CEP135: variants seen among roughly 807,000 people sequenced by gnomAD.
The protein encoded by CEP135 is centrosomal protein 135, also known as centrosomal protein of 135 kDa.
Under a neutral mutation model 157.3 loss-of-function variants are expected in CEP135, and 142 were observed. The ratio of observed to expected loss-of-function variants is 0.90; its 90% CI spans 0.79 to 1.04. The LOEUF is 1.04. CEP135 is among the 50% of genes least tolerant of loss of function. CEP135 has a pLI of 0.00. For missense variants in CEP135, 1,317 were observed against 1,309.2 expected (o/e 1.01, Z -0.09); for synonymous variants, 396 against 439.8 (o/e 0.90, Z 1.25).
At chr4:55,981,980 C>T (rs1311289135) in intron 13 of CEP135, among the ~76,000 whole-genome samples, 1 of 152,074 alleles carries the variant, frequency 6.6e-6, no homozygotes, top group Non-Finnish European at 1.5e-5. Flanking sequence ...CCTGATAAAC[C>T]CATAACAAAG....
At chr4:56,001,166 A>C (rs1730158052) in intron 17 of CEP135, among the ~76,000 whole-genome samples, 1 of 152,138 alleles carries the variant, frequency 6.6e-6, no homozygotes, top group Non-Finnish European at 1.5e-5. Context: ...ATCCCTTGTC[A>C]GATGGATAGT....
intron 25 of CEP135, among the ~76,000 whole-genome samples, chr4:56,025,568 T>C (rs774903897): frequency 3.3e-5 from 5 of 152,150 alleles, no homozygotes; most frequent in South Asian, 2.1e-4. Context: ...TTGTGGACTT[T>C]ATTCTGTAAG....
rs1420990855 is a variant in CEP135, at chr4:55,957,331, A to G, written c.581A>G (p.Tyr194Cys). 20 of 1,614,020 alleles carry G rather than the reference A, an allele frequency of 1.2e-5. No individual in the cohort carries two copies. In the East Asian group the frequency reaches 4.5e-4, roughly 36 times the overall value. The stretch of plus-strand genomic sequence containing the variant: ...CCAGTTCCTCAACCAGATGACCCTT[A>G]CATTGCAGACCTCCTTCAAGTGGCT... Reference protein sequence around the residue: ...SYPVPQPDDPYIADLLQVADN... With the variant: ...SYPVPQPDDPCIADLLQVADN... The change falls in exon 5 of 26, where the codon TAC (tyrosine) becomes TGC (cysteine). Residue 194 changes from tyrosine to cysteine, a missense_variant. Tyr to Cys is a radical substitution (Grantham distance 194). Transcript: ENST00000257287.
chr4:55,976,528 T>A (rs1358201941), intron 11 of CEP135, among the ~76,000 whole-genome samples: 1 of 152,202 alleles, frequency 6.6e-6, no homozygotes, highest in African/African-American at 2.4e-5. Flanking sequence ...GAAAGACAAA[T>A]GTGTGAGACA....
chr4:55,973,106 A>G (rs560238720), intron 10 of CEP135, among the ~76,000 whole-genome samples: 1 of 152,296 alleles, frequency 6.6e-6, no homozygotes, highest in South Asian at 2.1e-4. Flanking sequence ...AACTGTCTCA[A>G]ACTCTCTTGT....
intron 2 of CEP135, chr4:55,952,528 C>T (rs576520619): frequency 1.7e-4 from 42 of 244,662 alleles, no homozygotes; most frequent in South Asian, 8.3e-4. Flanking sequence ...ACACTTTTCC[C>T]TTAAGTTCTT....
At chr4:56,018,684 C>T (rs1331977603) in intron 22 of CEP135, among the ~76,000 whole-genome samples, 1 of 151,818 alleles carries the variant, frequency 6.6e-6, no homozygotes, top group Non-Finnish European at 1.5e-5. Context: ...CACTTGAGCC[C>T]AGGATGTCGA....
intron 23 of CEP135, among the ~76,000 whole-genome samples, chr4:56,020,228 A>C (rs188846133): frequency 6.6e-6 from 1 of 152,310 alleles, no homozygotes; most frequent in Admixed American, 6.5e-5. Context: ...ACATACATGT[A>C]TTGATTACTT....
chr4:55,952,248 A>C lies in CEP135; in HGVS notation c.113+5A>C. 1 of 1,538,910 alleles carries C rather than the reference A, an allele frequency of 6.5e-7. No individual in the cohort carries two copies. Among genetic ancestry groups the C allele is most frequent in the Non-Finnish European group, 9.0e-7 (1 of 1,111,636 alleles). ...TTTGGTAGAAAAACTTTTCAGGTAA[A>C]GACAAAAATACAGTTTTCAACCTTT... On this transcript the variant is annotated splice_donor_5th_base_variant and intron_variant, in intron 2 of 25. Transcript: ENST00000257287.
intron 10 of CEP135, among the ~76,000 whole-genome samples, chr4:55,973,218 G>A (rs1729085441): frequency 6.6e-6 from 1 of 152,160 alleles, no homozygotes; most frequent in Non-Finnish European, 1.5e-5. Context: ...GTTTGAGTGT[G>A]CACCAGGCAC....
At chr4:55,971,791 C>G (rs1729034885) in intron 10 of CEP135, among the ~76,000 whole-genome samples, 1 of 152,152 alleles carries the variant, frequency 6.6e-6, no homozygotes, top group African/African-American at 2.4e-5. Flanking sequence ...TAAACACACA[C>G]ACAAATTGAA....
At chr4:55,976,673 C>G (rs1011823489) in intron 11 of CEP135, among the ~76,000 whole-genome samples, 1 of 152,112 alleles carries the variant, frequency 6.6e-6, no homozygotes, top group African/African-American at 2.4e-5. Flanking sequence ...ATGTTCAGAG[C>G]ATTTTAGAGG....
rs200668189 is a variant in CEP135, at chr4:55,957,386, T to C, written c.614+22T>C. On this transcript the variant is annotated intron_variant, in intron 5 of 25. Coordinates refer to ENST00000257287, the MANE Select transcript of CEP135 (RefSeq NM_025009.5). ...ACAGGTGCATTAAATAATTCTTTCT[T>C]GGCTTGAGTTAATTGAGCACTCAAT... The C allele has an allele frequency of 8.9e-5, 143 of 1,602,700 alleles. No homozygotes were observed. In the African/African-American group the frequency reaches 1.6e-3, roughly 18 times the overall value.
intron 14 of CEP135, among the ~76,000 whole-genome samples, chr4:55,988,833 C>T (rs1306054813): frequency 2.0e-5 from 3 of 151,032 alleles, no homozygotes; most frequent in Non-Finnish European, 3.0e-5. Flanking sequence ...TGGTGGCGGG[C>T]GCATGTAGTC....
chr4:55,985,397 A>G, intron 14 of CEP135, 39 bp downstream of exon 14: 1 of 915,450 alleles, frequency 1.1e-6, no homozygotes, highest in Non-Finnish European at 1.7e-6. Flanking sequence ...CTTGTGTTAT[A>G]TGAATAACTA....
chr4:55,972,476 A>G (rs1288214781), intron 10 of CEP135, among the ~76,000 whole-genome samples: 3 of 152,246 alleles, frequency 2.0e-5, no homozygotes, highest in Non-Finnish European at 2.9e-5. Context: ...TGGCACGTGC[A>G]GAAACTTGGT....
At position 55,954,302 on chromosome 4, in the gene CEP135, T is replaced by A; in HGVS notation, c.391T>A (p.Leu131Met). The change falls in exon 4 of 26, where the codon TTG becomes ATG. Residue 131 changes from leucine (L) to methionine (M), a missense_variant. Leu to Met is a conservative substitution (Grantham distance 15). Transcript: ENST00000257287. The part of the protein sequence containing the change: ...NNQYAHKLKL[L>M]EKESKAKNER... ...CCAATATGCTCATAAACTCAAACTG[T>A]TGGAGAAAGAGAGCAAAGCTAAGAA... is the stretch of plus-strand genomic sequence containing the variant. The A allele has an allele frequency of 6.2e-7, 1 of 1,612,070 alleles. No homozygotes were observed. Among genetic ancestry groups the A allele is most frequent in the South Asian group, 1.1e-5 (1 of 90,636 alleles).
intron 2 of CEP135, 33 bp downstream of exon 2, chr4:55,952,276 G>A: frequency 2.4e-6 from 3 of 1,243,744 alleles, no homozygotes; most frequent in Non-Finnish European, 3.6e-6. Flanking sequence ...CAACCTTTAT[G>A]ATCCCTAACC....
intron 15 of CEP135, among the ~76,000 whole-genome samples, chr4:55,998,443 G>A (rs1358122866): frequency 6.6e-6 from 1 of 152,094 alleles, no homozygotes; most frequent in Admixed American, 6.5e-5. Flanking sequence ...CATGTAGGCC[G>A]CTGTACATCC....
Sources: gnomAD v4.1 joint callset for allele counts (sites outside exome capture counted in the v4.1 genomes callset) on GRCh38, gnomAD v4.1.1 for gene constraint, MANE v1.5 for transcripts, NCBI Gene and HGNC (gene_info 2026-07-23, HGNC 2026-07-21) for gene names.